Variants in RBFOX3 observed in about 807,000 individuals in gnomAD.
RBFOX3 encodes RNA binding protein fox-1 homolog 3.
Under a neutral mutation model 48.7 loss-of-function variants are expected in RBFOX3, and 17 were observed. The observed-to-expected ratio is 0.35, with a 90% confidence interval of 0.24 to 0.52. RBFOX3 has a LOEUF of 0.52. RBFOX3 is among the 20% of genes least tolerant of loss of function. RBFOX3 has a pLI of 0.94. For synonymous variants in RBFOX3, 212 were observed against 209.5 expected (o/e 1.01, Z -0.10); for missense variants, 382 against 497.5 (o/e 0.77, Z 2.21).
chr17:79,089,380 TTAA>T lies in RBFOX3; in HGVS notation c.*1500_*1502del, dbSNP rs912547228. ...AAGAAAGAAATCTTTATTAATAATC[TTAA>T]TAATACTGTTAGTTTGAATGGTCAC... On this transcript the variant is annotated 3_prime_UTR_variant, in exon 15 of 15. Transcript: ENST00000693108. 2.6e-5 allele frequency: 4 copies of T among 152,642 alleles called. No homozygotes were observed. Among genetic ancestry groups the T allele is most frequent in the African/African-American group, 7.2e-5 (3 of 41,456 alleles). 9.5% of individuals were successfully genotyped at this position (152,642 alleles called of 1,614,324 possible). A position where few individuals can be genotyped will look rare whatever the true frequency, so the allele number is the denominator to read the frequency against.
chr17:79,297,050 C>G (rs927445503), intron 3 of RBFOX3, among the ~76,000 whole-genome samples: 1 of 151,384 alleles, frequency 6.6e-6, no homozygotes, highest in African/African-American at 2.4e-5. Flanking sequence ...CTTTTTCCTC[C>G]TGATCTTGGC....
intron 1 of RBFOX3, among the ~76,000 whole-genome samples, chr17:79,503,868 G>A (rs2082699277): frequency 6.6e-6 from 1 of 152,200 alleles, no homozygotes; most frequent in Non-Finnish European, 1.5e-5. Flanking sequence ...GAGGGGTGCA[G>A]AGCTCACAGG....
intron 1 of RBFOX3, among the ~76,000 whole-genome samples, chr17:79,554,077 T>C (rs946186465): frequency 2.6e-5 from 4 of 152,204 alleles, no homozygotes; most frequent in Non-Finnish European, 5.9e-5. Flanking sequence ...TAGTGGTTCA[T>C]CTAACTTTTT....
rs552041384 is a variant in RBFOX3 at position 79,361,379 on chromosome 17, C to T, written c.-174-53555G>A. Among the ~76,000 whole-genome samples, 3 of 152,304 alleles carry T rather than the reference C, an allele frequency of 2.0e-5. No homozygotes were observed. The highest frequency in any genetic ancestry group is 7.2e-5 in the African/African-American group (3 of 41,572). On this transcript the variant is annotated intron_variant, in intron 2 of 14. Transcript: ENST00000693108. This position sits in a 1 kb window ranked among gnomAD's most constrained non-coding sequence, Gnocchi z 4.5. ...TGTGCAGGTGGCATGAGCTTGCATC[C>T]CCCACTGCCTTCCTTGTGGAAAGAT...
At chr17:79,499,746 G>A (rs9902787) in intron 1 of RBFOX3, among the ~76,000 whole-genome samples, 114 of 152,266 alleles carry the variant, frequency 7.5e-4, no homozygotes, top group African/African-American at 2.7e-3. Context: ...AGATGAGACC[G>A]TGTATCCAGA....
intron 1 of RBFOX3, among the ~76,000 whole-genome samples, chr17:79,507,938 C>A (rs2083414790): frequency 6.6e-6 from 1 of 152,208 alleles, no homozygotes; most frequent in South Asian, 2.1e-4. Context: ...GCATCTGCCA[C>A]CAGAATCCTT....
At chr17:79,386,637 G>A (rs775865137) in intron 2 of RBFOX3, among the ~76,000 whole-genome samples, 11 of 152,164 alleles carry the variant, frequency 7.2e-5, no homozygotes, top group South Asian at 2.1e-4. Context: ...GTGAGCTCCC[G>A]GCCAACAACC....
At chr17:79,642,614 T>G in the RBFOX3 span, among the ~76,000 whole-genome samples, 7 of 152,204 alleles carry the variant, frequency 4.6e-5, no homozygotes, top group Non-Finnish European at 5.9e-5. Flanking sequence ...ATGGGCTTAT[T>G]ATAGGGAAAA....
intron 4 of RBFOX3, among the ~76,000 whole-genome samples, chr17:79,186,893 G>T (rs2053526148): frequency 6.6e-6 from 1 of 152,176 alleles, no homozygotes; most frequent in Non-Finnish European, 1.5e-5. Flanking sequence ...TCCCTGGCAG[G>T]GGCCTTGGAG....
chr17:79,404,793 C>A (rs911366971), intron 2 of RBFOX3, among the ~76,000 whole-genome samples: 2 of 152,218 alleles, frequency 1.3e-5, no homozygotes, highest in African/African-American at 2.4e-5. Context: ...CTGTCCATCT[C>A]CAGAGTCCAG....
intron 4 of RBFOX3, among the ~76,000 whole-genome samples, chr17:79,210,056 C>G (rs2058162735): frequency 1.3e-5 from 2 of 151,888 alleles, no homozygotes; most frequent in East Asian, 3.9e-4. Flanking sequence ...CACAGAGGCG[C>G]CTTAGCAAAT....
intron 3 of RBFOX3, among the ~76,000 whole-genome samples, chr17:79,287,231 T>G (rs114499804): frequency 0.03 from 4,623 of 152,290 alleles, 113 homozygotes; most frequent in East Asian, 0.068. Flanking sequence ...AAGGACCCCC[T>G]GCCTTACTGC....
chr17:79,608,353 C>T (rs894257078), intron 1 of RBFOX3, among the ~76,000 whole-genome samples: 1 of 152,248 alleles, frequency 6.6e-6, no homozygotes, highest in Admixed American at 6.5e-5. Flanking sequence ...CTTCCCTGGA[C>T]TCCTGGCTCC....
intron 3 of RBFOX3, among the ~76,000 whole-genome samples, chr17:79,269,261 G>A (rs1375232602): frequency 6.6e-6 from 1 of 152,226 alleles, no homozygotes; most frequent in Non-Finnish European, 1.5e-5. Flanking sequence ...AGAGCCTTCA[G>A]AGAAAATGCA....
At chr17:79,515,428 T>C (rs2085112939) in intron 1 of RBFOX3, among the ~76,000 whole-genome samples, 1 of 152,132 alleles carries the variant, frequency 6.6e-6, no homozygotes, top group Non-Finnish European at 1.5e-5. Flanking sequence ...CTCTCCCATC[T>C]CCTGTGTTAC....
chr17:79,661,460 CAT>C, the RBFOX3 span, among the ~76,000 whole-genome samples: 1 of 152,324 alleles, frequency 6.6e-6, no homozygotes, highest in East Asian at 1.9e-4. Flanking sequence ...TGTTTAGAAT[CAT>C]AATTGTGTGA....
intron 2 of RBFOX3, among the ~76,000 whole-genome samples, chr17:79,402,918 A>C (rs2148443021): frequency 6.6e-6 from 1 of 152,242 alleles, no homozygotes; most frequent in East Asian, 1.9e-4. Flanking sequence ...TCACATTCTC[A>C]GCAGGAGCCT....
chr17:79,422,585 A>G (rs1166727735), intron 2 of RBFOX3, among the ~76,000 whole-genome samples: 1 of 152,216 alleles, frequency 6.6e-6, no homozygotes, highest in African/African-American at 2.4e-5. Context: ...GGCAAGGCCC[A>G]GGGTCCAGCA....
intron 1 of RBFOX3, among the ~76,000 whole-genome samples, chr17:79,500,269 T>C (rs1163132066): frequency 6.7e-6 from 1 of 149,722 alleles, no homozygotes; most frequent in Non-Finnish European, 1.5e-5. Flanking sequence ...TTTTTTTTTT[T>C]TTTTTGAGAT....
Sources: allele counts gnomAD v4.1 joint callset (sites outside exome capture counted in the v4.1 genomes callset), GRCh38; gene constraint gnomAD v4.1.1; non-coding constraint Gnocchi (gnomAD v3.1); transcripts MANE v1.5; gene names NCBI Gene and HGNC (gene_info 2026-07-23, HGNC 2026-07-21).